The following ZNF713 variants were observed in gnomAD, a reference collection of about 807,000 sequenced individuals.
ZNF713 encodes the protein zinc finger protein 713.
Under a neutral mutation model 28.7 loss-of-function variants are expected in ZNF713, and 21 were observed. That is an observed-to-expected ratio of 0.73 (90% CI 0.52 to 1.05). The LOEUF (loss-of-function observed/expected upper bound fraction) is 1.05, where lower values mean the gene tolerates loss of function less well. ZNF713 is among the 50% of genes least tolerant of loss of function. The pLI, the probability that ZNF713 is intolerant of heterozygous loss-of-function variation, is 0.00. For synonymous variants in ZNF713, 167 were observed against 178.0 expected (o/e 0.94, Z 0.49); for missense variants, 458 against 532.4 (o/e 0.86, Z 1.37).
chr7:55,919,801 CAG>C (rs1283032160), intron 4 of ZNF713, among the ~76,000 whole-genome samples: 2 of 152,050 alleles, frequency 1.3e-5, no homozygotes, highest in Non-Finnish European at 2.9e-5. Context: ...GATCAAGAAA[CAG>C]AACATTACCA....
rs76047859 is a variant in ZNF713 at position 55,931,329 on chromosome 7, C to T, written c.307+7630C>T. Among the ~76,000 whole-genome samples, 1,317 of 152,030 alleles carry T rather than the reference C, an allele frequency of 8.7e-3. 21 individuals carry two copies. The highest frequency in any genetic ancestry group is 0.03 in the African/African-American group (1,256 of 41,502). On this transcript the variant is annotated intron_variant, in intron 6 of 6. Transcript: ENST00000429591. ...AGAAGTGTTACCCAACAATATTTAT[C>T]GTTATCACTGTGTCTGATGAACTCT...
At position 55,939,240 on chromosome 7, in the gene ZNF713, G is replaced by A. The variant is rs755391264; in HGVS notation, c.566G>A (p.Cys189Tyr). Residue 189 changes from cysteine to tyrosine, a missense_variant, in exon 7 of 7, where the codon TGT becomes TAT. Cys to Tyr is a radical substitution (Grantham distance 194). Transcript: ENST00000429591. ...GAGTGTAATAAATTTGCAGAAAACT[G>A]TAATCTGAACTCAAACCTTATGCAG... Reference protein sequence around the residue: ...SLECNKFAENCNLNSNLMQQR... With the variant: ...SLECNKFAENYNLNSNLMQQR... The A allele has an allele frequency of 1.4e-5, 23 of 1,614,008 alleles. No homozygotes were observed. Among genetic ancestry groups the A allele is most frequent in the East Asian group, 4.5e-5 (2 of 44,846 alleles).
At chr7:55,895,668 A>G (rs1349525787) in intron 1 of ZNF713, among the ~76,000 whole-genome samples, 1 of 151,842 alleles carries the variant, frequency 6.6e-6, no homozygotes, top group Non-Finnish European at 1.5e-5. Flanking sequence ...GAGTTTCTCC[A>G]TGTTAGTCAG....
At position 55,940,341 on chromosome 7, in the gene ZNF713, C is replaced by G; in HGVS notation, c.*335C>G. On this transcript the variant is annotated 3_prime_UTR_variant, in exon 7 of 7. Transcript: ENST00000429591. Reference sequence around the variant, plus strand: ...GTTTCACCATGTTGGCCAGGCTGGTCTCGAACTCCTAACCTCAGGTGATCC... The same window carrying G: ...GTTTCACCATGTTGGCCAGGCTGGTGTCGAACTCCTAACCTCAGGTGATCC... The G allele has an allele frequency of 1.5e-6, 1 of 658,570 alleles. No individual in the cohort carries two copies. Among genetic ancestry groups the G allele is most frequent in the Non-Finnish European group, 1.9e-6 (1 of 524,348 alleles). The allele number at this position is 658,570 out of a possible 1,614,324, so 40.8% of individuals were successfully genotyped here.
rs149770168 is a variant in ZNF713 at position 55,900,619 on chromosome 7, C to A, written c.-582-5634C>A. 1.2e-4 allele frequency among the ~76,000 whole-genome samples: 18 copies of A among 152,246 alleles called. No homozygotes were observed. The East Asian group carries it at 2.7e-3, about 23-fold the overall frequency. ...CACAGAAAAACAGAAACTCTATGAT[C>A]TCACTTAAAACGTGGACTCTAAAAA... On this transcript the variant is annotated intron_variant, in intron 1 of 6. Transcript: ENST00000429591.
At chr7:55,909,498 T>C (rs1472393899) in intron 2 of ZNF713, among the ~76,000 whole-genome samples, 3 of 152,198 alleles carry the variant, frequency 2.0e-5, no homozygotes, top group African/African-American at 7.2e-5. Flanking sequence ...TTCTTTTTGC[T>C]TAGGATTGCT....
rs55656709 is a variant in ZNF713 at position 55,919,490 on chromosome 7, G to GTTTTTTTT, written c.88-3646_88-3639dup. Among the ~76,000 whole-genome samples the GTTTTTTTT allele has an allele frequency of 1.5e-3, 101 of 66,732 alleles. 5 individuals carry two copies. Among genetic ancestry groups the GTTTTTTTT allele is most frequent in the Admixed American group, 4.7e-3 (26 of 5,506 alleles). 43.8% of individuals were successfully genotyped at this position (66,732 alleles called of 152,430 possible). A position where few individuals can be genotyped will look rare whatever the true frequency, so the allele number is the denominator to read the frequency against. On this transcript the variant is annotated intron_variant, in intron 4 of 6. Transcript: ENST00000429591. ...GCTGGATAAATTGGTAAACACTCCA[G>GTTTTTTTT]TTTTTTTTTTTTTTTTTTTTTTTTT...
intron 1 of ZNF713, among the ~76,000 whole-genome samples, chr7:55,896,585 A>G (rs73701172): frequency 2.3e-4 from 30 of 129,254 alleles, no homozygotes; most frequent in African/African-American, 7.0e-4. Context: ...TTTAATATAT[A>G]TGTGTGTGTG....
chr7:55,915,364 AC>A (rs1436872032), intron 4 of ZNF713, among the ~76,000 whole-genome samples: 1 of 152,168 alleles, frequency 6.6e-6, no homozygotes, highest in African/African-American at 2.4e-5. Flanking sequence ...CTTATGGTCT[AC>A]TGGTCATTTC....
At chr7:55,921,355 T>C (rs1013341619) in intron 4 of ZNF713, among the ~76,000 whole-genome samples, 3 of 152,228 alleles carry the variant, frequency 2.0e-5, no homozygotes, top group Non-Finnish European at 4.4e-5. Flanking sequence ...TCAAGTCTTA[T>C]TATTTAAGAC....
rs184283956 is a variant in ZNF713, at chr7:55,891,665, C to T, written c.-583+3985C>T. 1.0e-3 allele frequency among the ~76,000 whole-genome samples: 153 copies of T among 152,020 alleles called. 1 individual carries two copies. Among genetic ancestry groups the T allele is most frequent in the African/African-American group, 3.6e-3 (148 of 41,462 alleles). Reference sequence around the variant, plus strand: ...CCATGATGGTGCCACTGCACTGCAGCCTGGGTGATAAAGTGAGATCCTGTC... The same window carrying T: ...CCATGATGGTGCCACTGCACTGCAGTCTGGGTGATAAAGTGAGATCCTGTC... On this transcript the variant is annotated intron_variant, in intron 1 of 6. Coordinates refer to ENST00000429591, the MANE Select transcript of ZNF713 (RefSeq NM_182633.3).
chr7:55,932,667 G>A (rs1349103011), intron 6 of ZNF713, among the ~76,000 whole-genome samples: 1 of 148,714 alleles, frequency 6.7e-6, no homozygotes, highest in Non-Finnish European at 1.5e-5. Flanking sequence ...GGTGGATCAT[G>A]AGGTCAGGAG....
chr7:55,897,529 C>T (rs920715348), intron 1 of ZNF713, among the ~76,000 whole-genome samples: 5 of 152,216 alleles, frequency 3.3e-5, no homozygotes, highest in African/African-American at 7.2e-5. Context: ...CATCCTCCCA[C>T]CTCCACCTCC....
At chr7:55,896,051 GA>G (rs1292197605) in intron 1 of ZNF713, among the ~76,000 whole-genome samples, 1 of 152,160 alleles carries the variant, frequency 6.6e-6, no homozygotes, top group Non-Finnish European at 1.5e-5. Flanking sequence ...TTAGGCTTCA[GA>G]AATATGAGGG....
At position 55,940,325 on chromosome 7, in the gene ZNF713, T is replaced by C. The variant is rs1446495185; in HGVS notation, c.*319T>C. 9.1e-6 allele frequency: 5 copies of C among 552,096 alleles called. No individual in the cohort carries two copies. Among genetic ancestry groups the C allele is most frequent in the African/African-American group, 4.1e-5 (2 of 48,954 alleles). The allele number at this position is 552,096 out of a possible 1,614,324, so 34.2% of individuals were successfully genotyped here. A position where few individuals can be genotyped will look rare whatever the true frequency, so the allele number is the denominator to read the frequency against. On this transcript the variant is annotated 3_prime_UTR_variant, in exon 7 of 7. Coordinates refer to ENST00000429591, the MANE Select transcript of ZNF713 (RefSeq NM_182633.3). ...TTTTAGTAGAGACGGGGTTTCACCA[T>C]GTTGGCCAGGCTGGTCTCGAACTCC...
At chr7:55,903,180 C>T (rs2116191441) in intron 1 of ZNF713, among the ~76,000 whole-genome samples, 1 of 151,940 alleles carries the variant, frequency 6.6e-6, no homozygotes, top group African/African-American at 2.4e-5. Context: ...AAAGCAAACA[C>T]CAAAATCCTT....
At position 55,923,247 on chromosome 7, in the gene ZNF713, G is replaced by C; in HGVS notation, c.173G>C (p.Arg58Pro). ...TACCCTGCCCAAAAGAACCTCTATC[G>C]AGACGTGATGCTGGAGAACTACAGG... ...QLYPAQKNLY[R>P]DVMLENYRNL... The change falls in exon 5 of 7, where the codon CGA (arginine) becomes CCA (proline). Residue 58 changes from arginine (R) to proline (P), a missense_variant. Coordinates refer to ENST00000429591, the MANE Select transcript of ZNF713 (RefSeq NM_182633.3). 1 of 1,613,794 alleles carries C rather than the reference G, an allele frequency of 6.2e-7. No homozygotes were observed.
chr7:55,912,325 A>G (rs1240185306), intron 3 of ZNF713, among the ~76,000 whole-genome samples: 1 of 152,212 alleles, frequency 6.6e-6, no homozygotes, highest in Non-Finnish European at 1.5e-5. Flanking sequence ...GATCAATTAA[A>G]TCCAAATCTC....
chr7:55,916,687 G>T (rs1275902328), intron 4 of ZNF713, among the ~76,000 whole-genome samples: 1 of 152,166 alleles, frequency 6.6e-6, no homozygotes, highest in Admixed American at 6.5e-5. Flanking sequence ...GTGATAAAAA[G>T]CTGCTTTGTT....
Sources: allele counts gnomAD v4.1 joint callset (sites outside exome capture counted in the v4.1 genomes callset), GRCh38; gene constraint gnomAD v4.1.1; transcripts MANE v1.5; gene names NCBI Gene and HGNC (gene_info 2026-07-23, HGNC 2026-07-21).